NIBAN1: variants seen among roughly 807,000 people sequenced by gnomAD.
NIBAN1 encodes niban apoptosis regulator 1.
NIBAN1 carries 81 observed loss-of-function variants against 75.1 expected under a neutral mutation model. The ratio of observed to expected loss-of-function variants is 1.08; its 90% confidence interval spans 0.90 to 1.30. The LOEUF is 1.30. Ranked by LOEUF, NIBAN1 falls within the 50% of genes most tolerant of loss-of-function variation. The pLI is 0.00. For synonymous variants in NIBAN1, 436 were observed against 424.8 expected (o/e 1.03, Z -0.32); for missense variants, 1,133 against 1,128.1 (o/e 1.00, Z -0.06).
chr1:184,852,510 C>A (rs1369776035), intron 5 of NIBAN1, among the ~76,000 whole-genome samples: 1 of 152,142 alleles, frequency 6.6e-6, no homozygotes, highest in African/African-American at 2.4e-5. Context: ...TCAAAACTGG[C>A]CACTATTTCC....
At chr1:184,917,293 C>T (rs1249161501) in intron 1 of NIBAN1, among the ~76,000 whole-genome samples, 1 of 151,564 alleles carries the variant, frequency 6.6e-6, no homozygotes, top group Non-Finnish European at 1.5e-5. Flanking sequence ...CAAGCTCCAC[C>T]TCCCGGGTTC....
At chr1:184,922,278 A>C (rs1390633151) in intron 1 of NIBAN1, among the ~76,000 whole-genome samples, 1 of 152,152 alleles carries the variant, frequency 6.6e-6, no homozygotes, top group Non-Finnish European at 1.5e-5. Context: ...TTATTTTTAA[A>C]TGTACAATAA....
chr1:184,887,046 G>A (rs111585243), intron 4 of NIBAN1, among the ~76,000 whole-genome samples: 8,734 of 152,166 alleles, frequency 0.057, 296 homozygotes, highest in Middle Eastern at 0.086. Context: ...ACTTGAACCC[G>A]GGAGGCAGAG....
At chr1:184,833,501 A>C (rs891984373) in intron 5 of NIBAN1, among the ~76,000 whole-genome samples, 49 of 152,114 alleles carry the variant, frequency 3.2e-4, no homozygotes, top group African/African-American at 1.1e-3. Flanking sequence ...TGATGATAGG[A>C]GTTCAAGACG....
intron 1 of NIBAN1, among the ~76,000 whole-genome samples, chr1:184,901,433 A>G (rs745731006): frequency 3.3e-5 from 5 of 152,222 alleles, no homozygotes; most frequent in Non-Finnish European, 7.3e-5. Flanking sequence ...TTATTATGCT[A>G]TCAGCTTTTA....
At chr1:184,922,334 T>A (rs1055735167) in intron 1 of NIBAN1, among the ~76,000 whole-genome samples, 2 of 152,154 alleles carry the variant, frequency 1.3e-5, no homozygotes, top group Admixed American at 6.5e-5. Context: ...AAATACTAGA[T>A]CTTATTCATT....
intron 12 of NIBAN1, among the ~76,000 whole-genome samples, chr1:184,802,116 T>C (rs1026390882): frequency 5.9e-5 from 9 of 152,210 alleles, no homozygotes; most frequent in Non-Finnish European, 1.2e-4. Flanking sequence ...AGACTCCTTC[T>C]AGGAAGCAGA....
intron 6 of NIBAN1, among the ~76,000 whole-genome samples, chr1:184,829,276 T>G (rs1259336102): frequency 2.0e-5 from 3 of 152,124 alleles, no homozygotes; most frequent in Non-Finnish European, 4.4e-5. Flanking sequence ...GAGACCCATA[T>G]ACATATACCC....
chr1:184,894,150 T>G lies in NIBAN1; in HGVS notation c.243A>C (p.Glu81Asp). ...ATCTCTCCTTCCACTTCTTTATGTC[T>G]TCAGAAAATTGTGATAGCTCTGCTT... ...LYEAELSQFS[E>D]DIKKWKERYV... Residue 81 changes from glutamate (E) to aspartate (D), a missense_variant, in exon 3 of 14, where the codon GAA becomes GAC. Glu to Asp is a conservative substitution (Grantham distance 45). Coordinates refer to ENST00000367511, the MANE Select transcript of NIBAN1 (RefSeq NM_052966.4). The G allele has an allele frequency of 6.2e-7, 1 of 1,612,992 alleles. No individual in the cohort carries two copies. The highest frequency in any genetic ancestry group is 8.5e-7 in the Non-Finnish European group (1 of 1,179,524).
intron 8 of NIBAN1, among the ~76,000 whole-genome samples, chr1:184,819,090 C>T (rs2102216380): frequency 6.6e-6 from 1 of 152,224 alleles, no homozygotes; most frequent in African/African-American, 2.4e-5. Flanking sequence ...TCTGCTTGGT[C>T]CCTCTGAACA....
In NIBAN1 at chr1:184,795,475, A is replaced by G; in HGVS notation, c.2289T>C (p.Cys763=). ...SQAAAIHPDN[C]EESEVSEREA... ...CCCTCTCGCTGACTTCACTTTCTTC[A>G]CAGTTGTCGGGGTGGATGGCAGCTG... Residue 763 remains cysteine (C), a synonymous_variant, in exon 14 of 14, where the codon TGT becomes TGC. Transcript: ENST00000367511. The G allele has an allele frequency of 1.2e-6, 2 of 1,611,196 alleles. No individual in the cohort carries two copies. The highest frequency in any genetic ancestry group is 1.3e-5 in the African/African-American group (1 of 74,650).
chr1:184,957,019 G>A (rs1658507347), intron 1 of NIBAN1, among the ~76,000 whole-genome samples: 1 of 152,256 alleles, frequency 6.6e-6, no homozygotes, highest in Non-Finnish European at 1.5e-5. Context: ...CTGCATTGAA[G>A]AGAAGACACC....
chr1:184,799,662 A>G (rs867642748), intron 12 of NIBAN1, among the ~76,000 whole-genome samples: 15 of 128,050 alleles, frequency 1.2e-4, no homozygotes, highest in East Asian at 2.5e-4. Flanking sequence ...CCCACCAACA[A>G]AGTAAAAGTG....
At chr1:184,971,999 A>G (rs183147893) in intron 1 of NIBAN1, among the ~76,000 whole-genome samples, 38 of 152,372 alleles carry the variant, frequency 2.5e-4, no homozygotes, top group Admixed American at 1.5e-3. Context: ...GAGGCACACA[A>G]GGAATGGCAG....
chr1:184,831,936 C>G lies in NIBAN1; in HGVS notation c.628G>C (p.Ala210Pro). The G allele has an allele frequency of 6.2e-7, 1 of 1,613,868 alleles. No homozygotes were observed. Among genetic ancestry groups the G allele is most frequent in the Non-Finnish European group, 8.5e-7 (1 of 1,179,814 alleles). Residue 210 changes from alanine to proline, a missense_variant, in exon 6 of 14, where the codon GCC becomes CCC. Ala to Pro is a conservative substitution (Grantham distance 27). Transcript: ENST00000367511. ...HDYMKQMTFEAQAFLEAVQFF... is the reference protein window; with the variant it reads ...HDYMKQMTFEPQAFLEAVQFF... ...TGCACAGCTTCTAAAAAGGCTTGGG[C>G]TTCAAATGTCATCTGCTTCATGTAA...
intron 5 of NIBAN1, among the ~76,000 whole-genome samples, chr1:184,854,022 C>T (rs1376502068): frequency 6.6e-6 from 1 of 151,856 alleles, no homozygotes; most frequent in Non-Finnish European, 1.5e-5. Flanking sequence ...TTTATTTAAC[C>T]CCAAATATCT....
intron 1 of NIBAN1, among the ~76,000 whole-genome samples, chr1:184,961,221 G>A (rs1324809341): frequency 2.0e-5 from 3 of 151,402 alleles, no homozygotes; most frequent in Admixed American, 6.6e-5. Context: ...GGCGCCTGCC[G>A]CCACGCCTGG....
intron 1 of NIBAN1, among the ~76,000 whole-genome samples, chr1:184,921,881 T>G (rs1571575804): frequency 2.0e-5 from 3 of 152,214 alleles, no homozygotes; most frequent in African/African-American, 7.2e-5. Context: ...GGCTCAACTT[T>G]AAAGAAGCAG....
At chr1:184,938,668 T>C (rs915410508) in intron 1 of NIBAN1, among the ~76,000 whole-genome samples, 6 of 152,226 alleles carry the variant, frequency 3.9e-5, no homozygotes, top group Non-Finnish European at 8.8e-5. Flanking sequence ...CTGTTAAGCT[T>C]TCTATTCAGA....
Sources: allele counts gnomAD v4.1 joint callset (sites outside exome capture counted in the v4.1 genomes callset), GRCh38; gene constraint gnomAD v4.1.1; transcripts MANE v1.5; gene names NCBI Gene and HGNC (gene_info 2026-07-23, HGNC 2026-07-21).